Variants in KCNK1 observed in about 807,000 individuals in gnomAD.
KCNK1 encodes potassium two pore domain channel subfamily K member 1.
In KCNK1, 10 loss-of-function variants were observed where a neutral mutation model predicts 22.2. The ratio of observed to expected loss-of-function variants is 0.45; its 90% CI spans 0.28 to 0.76. KCNK1 has a LOEUF of 0.76. KCNK1 is among the 30% of genes least tolerant of loss of function. The pLI is 0.14. For missense variants in KCNK1, 378 were observed against 421.0 expected (o/e 0.90, Z 0.89); for synonymous variants, 200 against 186.4 (o/e 1.07, Z -0.60).
At chr1:233,661,477 G>C (rs947329754) in intron 1 of KCNK1, among the ~76,000 whole-genome samples, 1 of 152,294 alleles carries the variant, frequency 6.6e-6, no homozygotes, top group Middle Eastern at 3.4e-3. Context: ...AGTATTAAAT[G>C]AATGAGGCAG....
At chr1:233,647,230 T>G (rs1658115271) in intron 1 of KCNK1, among the ~76,000 whole-genome samples, 1 of 152,230 alleles carries the variant, frequency 6.6e-6, no homozygotes, top group Non-Finnish European at 1.5e-5. Context: ...TCTTGGTATT[T>G]TCCTGGGTAT....
intron 1 of KCNK1, among the ~76,000 whole-genome samples, chr1:233,648,772 G>A (rs1332613883): frequency 6.6e-6 from 1 of 152,036 alleles, no homozygotes; most frequent in Non-Finnish European, 1.5e-5. Flanking sequence ...TCACCATGTT[G>A]GCCAGGCTGG....
At chr1:233,637,599 C>A (rs377733915) in intron 1 of KCNK1, among the ~76,000 whole-genome samples, 5 of 152,178 alleles carry the variant, frequency 3.3e-5, no homozygotes, top group Non-Finnish European at 7.3e-5. Context: ...TTCTTAAAGA[C>A]GGAATGACCA....
intron 1 of KCNK1, chr1:233,630,937 G>T: frequency 4.9e-6 from 1 of 204,804 alleles, no homozygotes; most frequent in Non-Finnish European, 1.0e-5. Flanking sequence ...GGTCACCTTG[G>T]TCAAGTGCAC....
chr1:233,632,540 G>C (rs898187463), intron 1 of KCNK1, among the ~76,000 whole-genome samples: 2 of 152,134 alleles, frequency 1.3e-5, no homozygotes, highest in African/African-American at 2.4e-5. Context: ...AGATGCTGCT[G>C]CTGGCTGTCC....
chr1:233,667,457 G>A (rs1371904683), intron 2 of KCNK1, among the ~76,000 whole-genome samples: 2 of 152,226 alleles, frequency 1.3e-5, no homozygotes, highest in South Asian at 2.1e-4. Context: ...CAGGCCGGGC[G>A]CGGTGGCTCA....
chr1:233,672,174 A>G lies in KCNK1; in HGVS notation c.*644A>G, dbSNP rs1658612295. The G allele has an allele frequency of 6.6e-6, 1 of 152,650 alleles. No individual in the cohort carries two copies. The highest frequency in any genetic ancestry group is 2.4e-5 in the African/African-American group (1 of 41,434). 9.5% of individuals were successfully genotyped at this position (152,650 alleles called of 1,614,324 possible). ...TTTGTTTCTTTTGATTTCTCTTTAT[A>G]CTAAAGAATCCAGAGTTGCTACAAT... On this transcript the variant is annotated 3_prime_UTR_variant, in exon 3 of 3. Coordinates refer to ENST00000366621, the MANE Select transcript of KCNK1 (RefSeq NM_002245.4).
At chr1:233,659,003 T>C (rs1046323998) in intron 1 of KCNK1, among the ~76,000 whole-genome samples, 4 of 152,162 alleles carry the variant, frequency 2.6e-5, no homozygotes, top group Admixed American at 1.3e-4. Context: ...TTCTTCAATT[T>C]ATTTTCTTTC....
chr1:233,648,345 T>C (rs1658139312), intron 1 of KCNK1, among the ~76,000 whole-genome samples: 1 of 152,222 alleles, frequency 6.6e-6, no homozygotes. Flanking sequence ...TAAGAGAGAA[T>C]TAGATAACAA....
intron 1 of KCNK1, among the ~76,000 whole-genome samples, chr1:233,623,720 C>A (rs1443185989): frequency 1.3e-5 from 2 of 152,184 alleles, no homozygotes; most frequent in Admixed American, 1.3e-4. Context: ...TCCTGAGTAA[C>A]TGGGACCACA....
chr1:233,636,124 G>A (rs138331720), intron 1 of KCNK1, among the ~76,000 whole-genome samples: 1 of 152,202 alleles, frequency 6.6e-6, no homozygotes, highest in South Asian at 2.1e-4. Flanking sequence ...GATGAGATTA[G>A]GGAAGTAGTG....
chr1:233,620,828 T>C (rs1177913994), intron 1 of KCNK1, among the ~76,000 whole-genome samples: 1 of 151,772 alleles, frequency 6.6e-6, no homozygotes, highest in East Asian at 1.9e-4. Flanking sequence ...AGATAAATAG[T>C]TAAAAAATTC....
At chr1:233,667,017 C>T (rs768012603) in intron 2 of KCNK1, 27 bp downstream of exon 2, 1 of 1,458,934 alleles carries the variant, frequency 6.9e-7, no homozygotes. Context: ...CCTGGCTGCT[C>T]CTTCTGTCTC....
At chr1:233,629,576 G>C (rs529230250) in intron 1 of KCNK1, 1 of 152,178 alleles carries the variant, frequency 6.6e-6, no homozygotes, top group Middle Eastern at 3.1e-3. Context: ...AGAAAATGGG[G>C]AGCCTCTGTG....
intron 1 of KCNK1, among the ~76,000 whole-genome samples, chr1:233,646,515 G>C (rs1159773390): frequency 6.6e-6 from 1 of 151,868 alleles, no homozygotes; most frequent in Non-Finnish European, 1.5e-5. Context: ...GGTGGCCGCA[G>C]TTTTGGTGTT....
At chr1:233,633,277 CAA>C (rs1258891527) in intron 1 of KCNK1, among the ~76,000 whole-genome samples, 1 of 150,862 alleles carries the variant, frequency 6.6e-6, no homozygotes, top group Non-Finnish European at 1.5e-5. Context: ...AACAAACAAA[CAA>C]ACAAAAAAAA....
intron 1 of KCNK1, among the ~76,000 whole-genome samples, chr1:233,664,110 G>T (rs1220049117): frequency 6.6e-6 from 1 of 152,064 alleles, no homozygotes; most frequent in Non-Finnish European, 1.5e-5. Context: ...GATTATAGGG[G>T]TGAGCCACCG....
chr1:233,650,549 A>C (rs189790323), intron 1 of KCNK1, among the ~76,000 whole-genome samples: 45 of 152,298 alleles, frequency 3.0e-4, no homozygotes, highest in African/African-American at 1.1e-3. Flanking sequence ...TTTCCACAGC[A>C]ATAGAAGAGT....
intron 1 of KCNK1, among the ~76,000 whole-genome samples, chr1:233,650,279 A>G (rs1189840321): frequency 6.6e-6 from 1 of 152,214 alleles, no homozygotes; most frequent in Non-Finnish European, 1.5e-5. Context: ...TAGTCATTCT[A>G]AACTACAGAG....
Sources: gnomAD v4.1 joint callset for allele counts (sites outside exome capture counted in the v4.1 genomes callset) on GRCh38, gnomAD v4.1.1 for gene constraint, MANE v1.5 for transcripts, NCBI Gene and HGNC (gene_info 2026-07-23, HGNC 2026-07-21) for gene names.